MSH3: variants seen among roughly 807,000 people sequenced by gnomAD.
MSH3 encodes DNA mismatch repair protein Msh3.
MSH3 carries 106 observed loss-of-function variants against 123.3 expected under a neutral mutation model. The ratio of observed to expected loss-of-function variants is 0.86; its 90% confidence interval spans 0.73 to 1.01. The LOEUF (loss-of-function observed/expected upper bound fraction) is 1.01. Ranked by LOEUF, MSH3 falls within the 50% of genes least tolerant of loss-of-function variation. The pLI, the probability that MSH3 is intolerant of heterozygous loss-of-function variation, is 0.00. For synonymous variants in MSH3, 515 were observed against 481.4 expected, an observed-to-expected ratio of 1.07 and a Z score of -0.91; for missense variants, 1,459 against 1,347.6, an observed-to-expected ratio of 1.08 and a Z score of -1.29.
chr5:80,680,175 G>A (rs540209553), intron 8 of MSH3, among the ~76,000 whole-genome samples: 77 of 151,414 alleles, frequency 5.1e-4, no homozygotes, highest in African/African-American at 1.7e-3. Context: ...CAGGATAATC[G>A]CTTGAACTTG....
intron 20 of MSH3, among the ~76,000 whole-genome samples, chr5:80,827,949 G>A (rs376598555): frequency 1.3e-5 from 2 of 152,084 alleles, no homozygotes; most frequent in African/African-American, 4.8e-5. Flanking sequence ...CTGAGAGGAA[G>A]GTATAGAGAG....
At chr5:80,812,728 C>T (rs1323982660) in intron 19 of MSH3, among the ~76,000 whole-genome samples, 1 of 151,920 alleles carries the variant, frequency 6.6e-6, no homozygotes, top group East Asian at 1.9e-4. Flanking sequence ...TCATCACACC[C>T]AGCTAATTTT....
At chr5:80,728,658 T>C (rs546746091) in intron 9 of MSH3, among the ~76,000 whole-genome samples, 193 bp from the exon 10 acceptor site, 1 of 152,324 alleles carries the variant, frequency 6.6e-6, no homozygotes, top group South Asian at 2.1e-4. Flanking sequence ...CCCTGGGTAT[T>C]AGTAATGATT....
rs528805691 is a variant in MSH3 at position 80,844,585 on chromosome 5, G to C, written c.2814-9545G>C. On this transcript the variant is annotated intron_variant, in intron 20 of 23. Transcript: ENST00000265081. ...TTGCTTTATGAATCTGGATGCTCCT[G>C]TATTGGGTGCATATATATTTAGGAT... 2.0e-5 allele frequency among the ~76,000 whole-genome samples: 3 copies of C among 152,302 alleles called. No individual in the cohort carries two copies. In the East Asian group the frequency reaches 5.8e-4, roughly 29 times the overall value.
intron 2 of MSH3, among the ~76,000 whole-genome samples, chr5:80,658,035 C>T (rs868212172): frequency 1.1e-5 from 1 of 87,218 alleles, no homozygotes; most frequent in African/African-American, 5.2e-5. Context: ...GCTTTTTGCC[C>T]TCTTTTTTTT....
chr5:80,867,101 A>G (rs1746113928), intron 22 of MSH3, among the ~76,000 whole-genome samples: 1 of 152,208 alleles, frequency 6.6e-6, no homozygotes, highest in Non-Finnish European at 1.5e-5. Flanking sequence ...GCATCCTAGG[A>G]GTTCCCTTAC....
chr5:80,849,267 T>A (rs1274958368), intron 20 of MSH3, among the ~76,000 whole-genome samples: 1 of 152,096 alleles, frequency 6.6e-6, no homozygotes, highest in Non-Finnish European at 1.5e-5. Context: ...CAGGCTGACA[T>A]TGAGTGTCTG....
intron 12 of MSH3, among the ~76,000 whole-genome samples, chr5:80,750,076 A>AGTGT (rs1198301474): frequency 5.8e-4 from 23 of 39,850 alleles, no homozygotes; most frequent in Admixed American, 1.3e-3. Flanking sequence ...ATAGTATTCC[A>AGTGT]GAGTGTGTGT....
chr5:80,842,229 A>T (rs1336172655), intron 20 of MSH3, among the ~76,000 whole-genome samples: 1 of 152,012 alleles, frequency 6.6e-6, no homozygotes, highest in Non-Finnish European at 1.5e-5. Context: ...GTGTGATGTT[A>T]TTTCTGAGGC....
chr5:80,816,487 T>C (rs765613954), intron 20 of MSH3, among the ~76,000 whole-genome samples: 18 of 152,242 alleles, frequency 1.2e-4, no homozygotes, highest in Non-Finnish European at 2.4e-4. Flanking sequence ...AGGTGAAGCA[T>C]AGCCATGTCA....
chr5:80,666,470 GA>G (rs946123537), intron 3 of MSH3, among the ~76,000 whole-genome samples: 19 of 151,450 alleles, frequency 1.3e-4, no homozygotes, highest in Non-Finnish European at 2.2e-4. Flanking sequence ...AGATCATCAA[GA>G]AAAAAAAGGT....
intron 3 of MSH3, among the ~76,000 whole-genome samples, chr5:80,668,416 GT>G (rs1749619870): frequency 6.6e-6 from 1 of 152,114 alleles, no homozygotes; most frequent in African/African-American, 2.4e-5. Flanking sequence ...CACCCAGGCT[GT>G]TTGTGCCATG....
chr5:80,746,278 CAG>C, intron 12 of MSH3: 1 of 251,032 alleles, frequency 4.0e-6, no homozygotes, highest in Non-Finnish European at 7.9e-6. Flanking sequence ...CAATTTTAAA[CAG>C]AGCAGGGCAG....
intron 9 of MSH3, 86 bp downstream of exon 9, chr5:80,725,651 C>T (rs191946929): frequency 1.1e-6 from 1 of 890,194 alleles, no homozygotes; most frequent in African/African-American, 1.7e-5. Context: ...TTAATGATGA[C>T]TAGGTAGTTA....
At chr5:80,746,684 T>C in intron 12 of MSH3, 1 of 323,912 alleles carries the variant, frequency 3.1e-6, no homozygotes, top group Non-Finnish European at 6.3e-6. Context: ...GCATTAACTT[T>C]GGTAGAGGAG....
Position 80,813,659 on chromosome 5 carries a change from T to C in MSH3, c.2731T>C (p.Leu911=), listed in dbSNP as rs753525389. The change falls in exon 20 of 24, where the codon TTG becomes CTG. Residue 911 remains leucine (L), a synonymous_variant. Transcript: ENST00000265081. ...GKSSYIKQVA[L]ITIMAQIGSY... ...GAGCTCCTACATAAAACAAGTTGCA[T>C]TGATTACCATCATGGCTCAGATTGG... 5 of 1,614,150 alleles carry C rather than the reference T, an allele frequency of 3.1e-6. No homozygotes were observed. The highest frequency in any genetic ancestry group is 2.2e-5 in the East Asian group (1 of 44,872).
At chr5:80,863,922 AG>A (rs1261582117) in intron 21 of MSH3, among the ~76,000 whole-genome samples, 1 of 152,184 alleles carries the variant, frequency 6.6e-6, no homozygotes, top group Non-Finnish European at 1.5e-5. Context: ...CAGACCTAAA[AG>A]GGTGCCTGGC....
intron 2 of MSH3, 90 bp from the exon 3 acceptor site, chr5:80,665,053 A>G (rs1476406367): frequency 8.7e-6 from 8 of 917,598 alleles, no homozygotes; most frequent in African/African-American, 3.4e-5. Context: ...TTGGGAATCT[A>G]CCTCTTTAAA....
intron 8 of MSH3, among the ~76,000 whole-genome samples, chr5:80,718,495 G>GTTTT (rs35857348): frequency 3.3e-5 from 4 of 122,204 alleles, no homozygotes; most frequent in African/African-American, 6.2e-5. Context: ...CTCACCTTTG[G>GTTTT]TTTTTTTTTT....
Sources: allele counts gnomAD v4.1 joint callset (sites outside exome capture counted in the v4.1 genomes callset), GRCh38; gene constraint gnomAD v4.1.1; transcripts MANE v1.5; gene names NCBI Gene and HGNC (gene_info 2026-07-23, HGNC 2026-07-21).